The following RAD18 variants were observed in gnomAD, a reference collection of about 807,000 sequenced individuals.
The protein encoded by RAD18 is E3 ubiquitin-protein ligase RAD18.
Under a neutral mutation model 60.4 loss-of-function variants are expected in RAD18, and 47 were observed. That is an observed-to-expected ratio of 0.78 (90% CI 0.62 to 0.99). The LOEUF is 0.99. Among genes scored for constraint, RAD18 ranks in the 50% least tolerant of loss-of-function variants. The pLI, the probability that RAD18 is intolerant of heterozygous loss-of-function variation, is 0.00. For synonymous variants in RAD18, 225 were observed against 195.5 expected, an observed-to-expected ratio of 1.15 and a Z score of -1.26; for missense variants, 640 against 593.3, an observed-to-expected ratio of 1.08 and a Z score of -0.82.
intron 7 of RAD18, among the ~76,000 whole-genome samples, chr3:8,927,053 A>T (rs1039917672): frequency 1.6e-4 from 24 of 152,322 alleles, no homozygotes; most frequent in Non-Finnish European, 2.1e-4. Context: ...GCCAAAAATG[A>T]CAAATGGGAT....
chr3:8,890,058 G>C (rs1575532281), intron 12 of RAD18: 1 of 314,196 alleles, frequency 3.2e-6, no homozygotes, highest in East Asian at 7.0e-5. Flanking sequence ...ATCTAGGTAA[G>C]TATACTCTGA....
intron 7 of RAD18, among the ~76,000 whole-genome samples, chr3:8,932,362 C>T (rs1416254174): frequency 6.6e-6 from 1 of 151,962 alleles, no homozygotes; most frequent in Non-Finnish European, 1.5e-5. Flanking sequence ...TTCAACCAAG[C>T]CTTTATCAAA....
Position 8,941,758 on chromosome 3 carries a change from CAGG to C in RAD18, c.310_312del (p.Pro104del), listed in dbSNP as rs766404991. 1 of 1,614,060 alleles carries C rather than the reference CAGG, an allele frequency of 6.2e-7. No homozygotes were observed. Among genetic ancestry groups the C allele is most frequent in the Admixed American group, 1.7e-5 (1 of 60,014 alleles). Reference sequence around the variant, plus strand: ...GCAAGATTCTTTGAAGAGGAAGAAGCAGGAGATTTGGCTGGTGACTCTAAAGCA... The same window carrying C: ...GCAAGATTCTTTGAAGAGGAAGAAGCAGATTTGGCTGGTGACTCTAAAGCA... On this transcript the variant is annotated inframe_deletion, in exon 5 of 13. Transcript: ENST00000264926.
intron 2 of RAD18, among the ~76,000 whole-genome samples, chr3:8,957,775 C>G (rs1364279429): frequency 6.6e-6 from 1 of 152,120 alleles, no homozygotes; most frequent in African/African-American, 2.4e-5. Context: ...GTCATACTGA[C>G]TGAGATGGGG....
In RAD18 at chr3:8,877,745, T is replaced by C. The variant is rs564319941; in HGVS notation, c.*3612A>G. 2 of 152,256 alleles carry C rather than the reference T, an allele frequency of 1.3e-5. No individual in the cohort carries two copies. The highest frequency in any genetic ancestry group is 4.1e-4 in the South Asian group (2 of 4,824). 9.4% of individuals were successfully genotyped at this position (152,256 alleles called of 1,614,324 possible). A position where few individuals can be genotyped will look rare whatever the true frequency, so the allele number is the denominator to read the frequency against. On this transcript the variant is annotated 3_prime_UTR_variant, in exon 13 of 13. Coordinates refer to ENST00000264926, the MANE Select transcript of RAD18 (RefSeq NM_020165.4). ...CAGGAACTGTCTTTGTTTTGCACAT[T>C]ACTTGACATATAGTCCTAATAGTTG...
Position 8,908,272 on chromosome 3 carries a change from CAT to C in RAD18, c.1027+4038_1027+4039del, listed in dbSNP as rs745828863. ...CCAACCCCCAACTATTCACTTTAAG[CAT>C]TTTTTTTTTTCTTTTCTAAGTGAGA... On this transcript the variant is annotated intron_variant, in intron 9 of 12. Coordinates refer to ENST00000264926, the MANE Select transcript of RAD18 (RefSeq NM_020165.4). Among the ~76,000 whole-genome samples the C allele has an allele frequency of 2.3e-3, 333 of 144,086 alleles. 1 individual carries two copies. The highest frequency in any genetic ancestry group is 6.9e-3 in the South Asian group (30 of 4,334). 94.5% of individuals were successfully genotyped at this position (144,086 alleles called of 152,430 possible).
rs894018517 is a variant in RAD18 at position 8,898,942 on chromosome 3, A to G, written c.1274T>C (p.Ile425Thr). The change falls in exon 11 of 13, where the codon ATT (isoleucine) becomes ACT (threonine). Residue 425 changes from isoleucine to threonine, a missense_variant. Ile to Thr is a moderately conservative substitution (Grantham distance 89). Transcript: ENST00000264926. Reference protein sequence around the residue: ...PDREEDSSSCIDIQEVLSSSE... With the variant: ...PDREEDSSSCTDIQEVLSSSE... Reference sequence around the variant, plus strand: ...TGAAGAAAGAACTTCTTGAATATCAATACAGCTAGAAGAATCCTCTTCTCT... The same window carrying G: ...TGAAGAAAGAACTTCTTGAATATCAGTACAGCTAGAAGAATCCTCTTCTCT... 1.1e-5 allele frequency: 18 copies of G among 1,606,304 alleles called. No individual in the cohort carries two copies. The highest frequency in any genetic ancestry group is 8.4e-5 in the Admixed American group (5 of 59,358).
chr3:8,885,610 G>A lies in RAD18; in HGVS notation c.1386-4151C>T, dbSNP rs549596727. ...GAAAGGTGACCACTCTGACAAGGCT[G>A]AGAAGTGTTAACTCTGGCAGAGCCC... On this transcript the variant is annotated intron_variant, in intron 12 of 12. Transcript: ENST00000264926. Among the ~76,000 whole-genome samples, 10 of 152,306 alleles carry A rather than the reference G, an allele frequency of 6.6e-5. No homozygotes were observed. The South Asian group carries it at 1.4e-3, about 22-fold the overall frequency.
At chr3:8,938,608 T>C (rs1196200253) in intron 6 of RAD18, among the ~76,000 whole-genome samples, 1 of 152,180 alleles carries the variant, frequency 6.6e-6, no homozygotes, top group Non-Finnish European at 1.5e-5. Flanking sequence ...AGAAGGGTCC[T>C]TTCTGCATGT....
At chr3:8,881,504 T>C (rs1368702206) in intron 12 of RAD18, 45 bp from the exon 13 acceptor site, 2 of 1,451,780 alleles carry the variant, frequency 1.4e-6, no homozygotes, top group Non-Finnish European at 1.9e-6. Flanking sequence ...GTAATGATTA[T>C]TGTACAGCAG....
At chr3:8,890,267 A>G (rs1211109664) in intron 12 of RAD18, 122 bp downstream of exon 12, 48 of 729,426 alleles carry the variant, frequency 6.6e-5, no homozygotes, top group Non-Finnish European at 5.8e-5. Context: ...TTTACCTTGC[A>G]TGAGGATTAC....
intron 12 of RAD18, among the ~76,000 whole-genome samples, chr3:8,889,036 T>A (rs1575531859): frequency 6.6e-6 from 1 of 152,142 alleles, no homozygotes; most frequent in African/African-American, 2.4e-5. Flanking sequence ...GAGACAGTAA[T>A]GCAGCCAAAA....
At chr3:8,890,325 G>C in intron 12 of RAD18, 64 bp downstream of exon 12, 1 of 1,263,152 alleles carries the variant, frequency 7.9e-7, no homozygotes, top group Non-Finnish European at 1.1e-6. Context: ...TTGAAAATCA[G>C]CTGCATAGAA....
intron 7 of RAD18, among the ~76,000 whole-genome samples, chr3:8,930,454 C>CA (rs1940533654): frequency 1.3e-5 from 2 of 151,924 alleles, no homozygotes; most frequent in African/African-American, 4.8e-5. Flanking sequence ...TTCAGGGTAA[C>CA]AAAATGTTCT....
At chr3:8,934,777 GT>G (rs1327181593) in intron 7 of RAD18, among the ~76,000 whole-genome samples, 2 of 152,138 alleles carry the variant, frequency 1.3e-5, no homozygotes, top group African/African-American at 4.8e-5. Flanking sequence ...AAGATTATTT[GT>G]AGCAGCATTA....
At chr3:8,929,369 C>G (rs1447354198) in intron 7 of RAD18, among the ~76,000 whole-genome samples, 1 of 151,984 alleles carries the variant, frequency 6.6e-6, no homozygotes, top group Non-Finnish European at 1.5e-5. Flanking sequence ...AAAGAAGACA[C>G]ATTTTCAGTA....
intron 11 of RAD18, among the ~76,000 whole-genome samples, chr3:8,897,727 A>G (rs1470875444): frequency 6.6e-6 from 1 of 152,194 alleles, no homozygotes; most frequent in African/African-American, 2.4e-5. Context: ...AGGCATTTTA[A>G]ATCAGTACAA....
At chr3:8,918,618 T>C (rs983114968) in intron 7 of RAD18, among the ~76,000 whole-genome samples, 3 of 152,166 alleles carry the variant, frequency 2.0e-5, no homozygotes, top group Admixed American at 6.5e-5. Flanking sequence ...CTTTGTATTC[T>C]GTATCTTATA....
rs149913355 is a variant in RAD18 at position 8,881,415 on chromosome 3, C to A, written c.1430G>T (p.Arg477Leu). 7.4e-6 allele frequency: 12 copies of A among 1,612,956 alleles called. No homozygotes were observed. Among genetic ancestry groups the A allele is most frequent in the South Asian group, 3.3e-5 (3 of 91,048 alleles). Residue 477 changes from arginine to leucine, a missense_variant, in exon 13 of 13, where the codon CGC becomes CTC. Arg to Leu is a moderately radical substitution (Grantham distance 102). Coordinates refer to ENST00000264926, the MANE Select transcript of RAD18 (RefSeq NM_020165.4). ...CTCAGCACTTTCAGCGGCTCTTGTGCGGCGATTCTGTCTTGGACTTATTTC... is the reference window on the plus strand; with the variant it reads ...CTCAGCACTTTCAGCGGCTCTTGTGAGGCGATTCTGTCTTGGACTTATTTC... ...DTEISPRQNRRTRAAESAEIE... is the reference protein window; with the variant it reads ...DTEISPRQNRLTRAAESAEIE...
Sources: gnomAD v4.1 joint callset for allele counts (sites outside exome capture counted in the v4.1 genomes callset) on GRCh38, gnomAD v4.1.1 for gene constraint, MANE v1.5 for transcripts, NCBI Gene and HGNC (gene_info 2026-07-23, HGNC 2026-07-21) for gene names.